Variants in ATG13 observed in about 807,000 individuals in gnomAD.
ATG13 encodes autophagy related 13.
ATG13 carries 23 observed loss-of-function variants against 65.5 expected under a neutral mutation model. The ratio of observed to expected loss-of-function variants is 0.35; its 90% CI spans 0.25 to 0.50. The LOEUF (loss-of-function observed/expected upper bound fraction) is 0.50. Among genes scored for constraint, ATG13 ranks in the 20% least tolerant of loss-of-function variants. ATG13 has a pLI of 0.98. For synonymous variants in ATG13, 252 were observed against 245.2 expected, an observed-to-expected ratio of 1.03 and a Z score of -0.26; for missense variants, 566 against 677.0, an observed-to-expected ratio of 0.84 and a Z score of 1.82.
chr11:46,647,839 G>A (rs574889503), intron 5 of ATG13, among the ~76,000 whole-genome samples: 1 of 151,096 alleles, frequency 6.6e-6, no homozygotes, highest in Non-Finnish European at 1.5e-5. Flanking sequence ...TCAAACTCCT[G>A]GCCTCAACTG....
At chr11:46,656,618 A>C (rs879476684) in intron 8 of ATG13, among the ~76,000 whole-genome samples, 1 of 152,238 alleles carries the variant, frequency 6.6e-6, no homozygotes, top group African/African-American at 2.4e-5. Flanking sequence ...GCTTTGTTGA[A>C]AGTGTCACTT....
intron 2 of ATG13, 47 bp from the exon 3 acceptor site, chr11:46,644,232 G>T: frequency 2.9e-6 from 4 of 1,370,462 alleles, no homozygotes; most frequent in Non-Finnish European, 4.0e-6. Context: ...ATGTATCAAT[G>T]CCTTTTTAAA....
intron 9 of ATG13, 105 bp from the exon 10 acceptor site, chr11:46,657,419 C>G: frequency 8.7e-7 from 1 of 1,150,734 alleles, no homozygotes; most frequent in Non-Finnish European, 1.3e-6. Context: ...AGTTAAAGCT[C>G]TGGTAGTGCC....
intron 1 of ATG13, among the ~76,000 whole-genome samples, chr11:46,619,778 C>G (rs550191716): frequency 1.3e-5 from 2 of 151,678 alleles, no homozygotes; most frequent in Admixed American, 1.3e-4. Flanking sequence ...ACCTGTAATC[C>G]CAGCACTTTG....
At chr11:46,644,255 A>C (rs2056949430) in intron 2 of ATG13, 24 bp from the exon 3 acceptor site, 3 of 1,519,838 alleles carry the variant, frequency 2.0e-6, no homozygotes, top group African/African-American at 2.8e-5. Context: ...TATTAGTCAT[A>C]TTTTTTTCAC....
In ATG13 at chr11:46,617,721, G is replaced by A; in HGVS notation, c.-239G>A. ...CGGAGTCTTAGGAGCAAAACGTCTG[G>A]GGCCTGCGAGCCAGGACCCTTCTGA... On this transcript the variant is annotated 5_prime_UTR_variant, in exon 1 of 19. Coordinates refer to ENST00000683050, the MANE Select transcript of ATG13 (RefSeq NM_001346311.2). 2 of 397,950 alleles carry A rather than the reference G, an allele frequency of 5.0e-6. No individual in the cohort carries two copies. Among genetic ancestry groups the A allele is most frequent in the Non-Finnish European group, 8.9e-6 (2 of 225,802 alleles). The allele number at this position is 397,950 out of a possible 1,614,324, so 24.7% of individuals were successfully genotyped here.
At chr11:46,648,262 AT>A (rs2058151957) in intron 5 of ATG13, among the ~76,000 whole-genome samples, 1 of 151,964 alleles carries the variant, frequency 6.6e-6, no homozygotes, top group Non-Finnish European at 1.5e-5. Flanking sequence ...CGCCCAGCTA[AT>A]TTTTGTATTT....
intron 11 of ATG13, among the ~76,000 whole-genome samples, chr11:46,661,019 TTTTTGTTTTG>T (rs930114872): frequency 6.6e-6 from 1 of 151,706 alleles, no homozygotes; most frequent in South Asian, 2.1e-4. Context: ...CCTTCTGTGT[TTTTTGTTTTG>T]TTTTGTTTTG....
At chr11:46,656,329 G>C in intron 8 of ATG13, 56 bp downstream of exon 8, 1 of 1,494,692 alleles carries the variant, frequency 6.7e-7, no homozygotes, top group Non-Finnish European at 9.2e-7. Context: ...TAACTTCAGA[G>C]ATGATCTTCG....
intron 1 of ATG13, among the ~76,000 whole-genome samples, chr11:46,621,989 T>C (rs888919154): frequency 1.4e-4 from 21 of 150,002 alleles, no homozygotes; most frequent in African/African-American, 4.6e-4. Flanking sequence ...TCTACATCTT[T>C]ATGTGTTTGT....
intron 7 of ATG13, among the ~76,000 whole-genome samples, chr11:46,651,210 T>TA (rs1478817590): frequency 6.6e-6 from 1 of 152,170 alleles, no homozygotes; most frequent in Non-Finnish European, 1.5e-5. Context: ...TAATTACTTT[T>TA]AAAAAGCAGG....
At chr11:46,635,048 C>T (rs1304561272) in intron 2 of ATG13, among the ~76,000 whole-genome samples, 1 of 149,608 alleles carries the variant, frequency 6.7e-6, no homozygotes, top group Admixed American at 6.7e-5. Context: ...CTCTCTGTCT[C>T]CTAGTCTGGA....
chr11:46,645,208 C>T (rs1382463934), intron 3 of ATG13, 131 bp from the exon 4 acceptor site: 3 of 666,316 alleles, frequency 4.5e-6, no homozygotes, highest in Non-Finnish European at 4.9e-6. Context: ...TACTGTTTCC[C>T]AAAGTATACT....
chr11:46,672,857 T>C lies in ATG13; in HGVS notation c.*525T>C. 8.6e-7 allele frequency: 1 copy of C among 1,158,952 alleles called. No individual in the cohort carries two copies. Among genetic ancestry groups the C allele is most frequent in the Non-Finnish European group, 1.1e-6 (1 of 900,418 alleles). 71.8% of individuals were successfully genotyped at this position (1,158,952 alleles called of 1,614,324 possible). A position where few individuals can be genotyped will look rare whatever the true frequency, so the allele number is the denominator to read the frequency against. ...CCCTTTACTTCCTGCTATCTTCTTCTCCTCTTCTTCTCTCTCTTGCCTCTA... is the reference window on the plus strand; with the variant it reads ...CCCTTTACTTCCTGCTATCTTCTTCCCCTCTTCTTCTCTCTCTTGCCTCTA... On this transcript the variant is annotated 3_prime_UTR_variant, in exon 19 of 19. Coordinates refer to ENST00000683050, the MANE Select transcript of ATG13 (RefSeq NM_001346311.2).
rs757844266 is a variant in ATG13, at chr11:46,659,492, G to T, written c.789+7G>T. ...CACCTCCCCACCATCCCAGGTAGGG[G>T]GAAGCAGGTTCTGGGGTGGTGGTAG... is the stretch of plus-strand genomic sequence containing the variant. On this transcript the variant is annotated splice_region_variant and intron_variant, in intron 11 of 18. Coordinates refer to ENST00000683050, the MANE Select transcript of ATG13 (RefSeq NM_001346311.2). 1 of 1,608,132 alleles carries T rather than the reference G, an allele frequency of 6.2e-7. No homozygotes were observed. Among genetic ancestry groups the T allele is most frequent in the Non-Finnish European group, 8.5e-7 (1 of 1,174,550 alleles).
intron 8 of ATG13, 145 bp from the exon 9 acceptor site, chr11:46,656,948 CAT>C (rs1387144070): frequency 5.1e-5 from 34 of 671,544 alleles, no homozygotes; most frequent in South Asian, 6.8e-5. Flanking sequence ...CACACACACA[CAT>C]ATGAAATTAA....
At chr11:46,618,872 C>A (rs1352989718) in intron 1 of ATG13, among the ~76,000 whole-genome samples, 1 of 152,030 alleles carries the variant, frequency 6.6e-6, no homozygotes, top group Non-Finnish European at 1.5e-5. Context: ...AGCTGGAGTA[C>A]AGTGGCGCCT....
intron 2 of ATG13, among the ~76,000 whole-genome samples, chr11:46,638,789 A>T (rs2054870827): frequency 6.6e-6 from 1 of 151,602 alleles, no homozygotes; most frequent in South Asian, 2.1e-4. Flanking sequence ...AATTTCCATG[A>T]TATATATATT....
At chr11:46,642,125 G>T (rs1181907205) in intron 2 of ATG13, among the ~76,000 whole-genome samples, 1 of 151,742 alleles carries the variant, frequency 6.6e-6, no homozygotes, top group Non-Finnish European at 1.5e-5. Flanking sequence ...TCCTCTTTCA[G>T]CTCTCCTTTT....
Sources: allele counts gnomAD v4.1 joint callset (sites outside exome capture counted in the v4.1 genomes callset), GRCh38; gene constraint gnomAD v4.1.1; transcripts MANE v1.5; gene names NCBI Gene and HGNC (gene_info 2026-07-23, HGNC 2026-07-21).